RSU1: variants seen among roughly 807,000 people sequenced by gnomAD.
The protein encoded by RSU1 is Ras suppressor protein 1, also known as rsu-1.
A neutral mutation model predicts 31.1 loss-of-function variants in RSU1; 26 were observed. That is an observed-to-expected ratio of 0.84 (90% confidence interval 0.61 to 1.16). The LOEUF is 1.16. Ranked by LOEUF, RSU1 falls within the 50% of genes most tolerant of loss-of-function variation. The probability of loss-of-function intolerance (pLI) is 0.00; values close to 1 mark genes in which losing one functional copy is unlikely to be tolerated. For synonymous variants in RSU1, 164 were observed against 136.3 expected (o/e 1.20, Z -1.41); for missense variants, 320 against 339.1 (o/e 0.94, Z 0.44).
chr10:16,792,681 G>C (rs1317115824), intron 2 of RSU1, among the ~76,000 whole-genome samples: 2 of 152,244 alleles, frequency 1.3e-5, no homozygotes, highest in African/African-American at 4.8e-5. Flanking sequence ...ACTGTAGACA[G>C]AACCCTCGGC....
intron 8 of RSU1, among the ~76,000 whole-genome samples, chr10:16,661,850 T>G (rs889026304): frequency 6.6e-6 from 1 of 152,234 alleles, no homozygotes; most frequent in Non-Finnish European, 1.5e-5. Context: ...CACATTTCTT[T>G]GGTTTCAAAT....
At chr10:16,701,343 G>A (rs1835788998) in intron 7 of RSU1, among the ~76,000 whole-genome samples, 1 of 152,128 alleles carries the variant, frequency 6.6e-6, no homozygotes, top group Non-Finnish European at 1.5e-5. Context: ...AAAAACCTAA[G>A]TGGAATGAGA....
At chr10:16,742,132 C>T (rs933343089) in intron 7 of RSU1, among the ~76,000 whole-genome samples, 1 of 152,044 alleles carries the variant, frequency 6.6e-6, no homozygotes, top group Non-Finnish European at 1.5e-5. Flanking sequence ...AATCACTCTA[C>T]GTATGTTGAA....
At chr10:16,616,483 A>G (rs1404548604) in intron 8 of RSU1, among the ~76,000 whole-genome samples, 1 of 152,138 alleles carries the variant, frequency 6.6e-6, no homozygotes, top group African/African-American at 2.4e-5. Context: ...CAAATAATAG[A>G]AAAAGAGGGA....
intron 8 of RSU1, among the ~76,000 whole-genome samples, chr10:16,671,700 A>G (rs1835108415): frequency 6.6e-6 from 1 of 151,908 alleles, no homozygotes; most frequent in South Asian, 2.1e-4. Flanking sequence ...ATTTTGGCTC[A>G]CTGCTACCTC....
At chr10:16,625,203 G>A (rs1588680594) in intron 8 of RSU1, among the ~76,000 whole-genome samples, 2 of 152,232 alleles carry the variant, frequency 1.3e-5, no homozygotes, top group East Asian at 3.9e-4. Context: ...GCCTTCTCTT[G>A]TCCTGCTCCT....
At position 16,695,159 on chromosome 10, in the gene RSU1, G is replaced by GGGGC. The variant is rs1554767086; in HGVS notation, c.599-5_599-4insGCCC. Reference sequence around the variant, plus strand: ...TGGCCAGTTAAATCCAAGTTTCCTGGGGGGGGGGAAAAAAAAAGTGAAGGT... The same window carrying GGGGC: ...TGGCCAGTTAAATCCAAGTTTCCTGGGGGCGGGGGGGGAAAAAAAAAGTGAAGGT... On this transcript the variant is annotated splice_polypyrimidine_tract_variant and splice_region_variant and intron_variant, in intron 7 of 8. Coordinates refer to ENST00000345264, the MANE Select transcript of RSU1 (RefSeq NM_012425.4). 6.4e-5 allele frequency: 84 copies of GGGGC among 1,310,262 alleles called. 2 individuals are homozygous for GGGGC. Among genetic ancestry groups the GGGGC allele is most frequent in the East Asian group, 7.7e-5 (2 of 26,070 alleles). 81.2% of individuals were successfully genotyped at this position (1,310,262 alleles called of 1,614,324 possible). A position where few individuals can be genotyped will look rare whatever the true frequency, so the allele number is the denominator to read the frequency against.
chr10:16,697,208 T>C (rs1040051340), intron 7 of RSU1, among the ~76,000 whole-genome samples: 2 of 152,148 alleles, frequency 1.3e-5, no homozygotes, highest in Non-Finnish European at 2.9e-5. Context: ...CAGCTGGGAA[T>C]GGTAGTGCTG....
In RSU1 at chr10:16,817,014, C is replaced by T. The variant is rs775079376; in HGVS notation, c.68G>A (p.Ser23Asn). The change falls in exon 2 of 9, where the codon AGT becomes AAT. Residue 23 changes from serine to asparagine, a missense_variant. Transcript: ENST00000345264. ...REKNQPEVDM[S>N]DRGISNMLDV... ...CAGCATGTTGGAGATGCCCCGGTCA[C>T]TCATGTCCACCTCGGGCTGGTTCTT... 1.3e-5 allele frequency: 21 copies of T among 1,614,224 alleles called. No individual in the cohort carries two copies. In the Admixed American group the frequency reaches 2.5e-4, roughly 19 times the overall value.
At chr10:16,657,272 A>G (rs1209221271) in intron 8 of RSU1, among the ~76,000 whole-genome samples, 5 of 152,208 alleles carry the variant, frequency 3.3e-5, no homozygotes, top group Non-Finnish European at 5.9e-5. Context: ...GGTAACTCCT[A>G]GTACTTCCTT....
intron 8 of RSU1, among the ~76,000 whole-genome samples, chr10:16,609,994 A>G (rs572580286): frequency 6.6e-6 from 1 of 152,328 alleles, no homozygotes; most frequent in Non-Finnish European, 1.5e-5. Flanking sequence ...TAAAAGTAAA[A>G]AAGACTGGAT....
intron 7 of RSU1, among the ~76,000 whole-genome samples, chr10:16,733,175 A>C (rs1836549274): frequency 6.6e-6 from 1 of 151,994 alleles, no homozygotes; most frequent in African/African-American, 2.4e-5. Flanking sequence ...ACTGAAATGC[A>C]AAGTTATATA....
At chr10:16,649,666 C>T (rs983573405) in intron 8 of RSU1, among the ~76,000 whole-genome samples, 1 of 152,150 alleles carries the variant, frequency 6.6e-6, no homozygotes, top group East Asian at 1.9e-4. Context: ...GCACACGGCA[C>T]AACAGAACTA....
At chr10:16,758,197 C>T (rs1837136299) in intron 4 of RSU1, among the ~76,000 whole-genome samples, 1 of 152,192 alleles carries the variant, frequency 6.6e-6, no homozygotes, top group Non-Finnish European at 1.5e-5. Context: ...GCTAAAACTT[C>T]AGAAGAATTG....
At chr10:16,683,505 G>A (rs750130769) in intron 8 of RSU1, among the ~76,000 whole-genome samples, 1 of 152,072 alleles carries the variant, frequency 6.6e-6, no homozygotes, top group Non-Finnish European at 1.5e-5. Flanking sequence ...CCTTTGACAC[G>A]CACATACTTT....
intron 8 of RSU1, among the ~76,000 whole-genome samples, chr10:16,646,587 GT>G (rs1564298979): frequency 6.6e-6 from 1 of 152,116 alleles, no homozygotes; most frequent in South Asian, 2.1e-4. Context: ...TATTTAAAGT[GT>G]TTTTTTCCTT....
At chr10:16,751,623 T>C (rs1175032625) in intron 7 of RSU1, among the ~76,000 whole-genome samples, 1 of 152,186 alleles carries the variant, frequency 6.6e-6, no homozygotes, top group Non-Finnish European at 1.5e-5. Flanking sequence ...AGGGAACAAA[T>C]ACAAAAATGT....
chr10:16,705,534 G>A (rs1034978960), intron 7 of RSU1, among the ~76,000 whole-genome samples: 13 of 152,032 alleles, frequency 8.6e-5, no homozygotes. Flanking sequence ...CTGTCACACA[G>A]GCTGGAGTGC....
chr10:16,764,881 A>C (rs917056418), intron 3 of RSU1, among the ~76,000 whole-genome samples: 1 of 150,896 alleles, frequency 6.6e-6, no homozygotes, highest in African/African-American at 2.4e-5. Context: ...TCTAAGTGCA[A>C]CTTTTTTTTT....
Sources: allele counts gnomAD v4.1 joint callset (sites outside exome capture counted in the v4.1 genomes callset), GRCh38; gene constraint gnomAD v4.1.1; transcripts MANE v1.5; gene names NCBI Gene and HGNC (gene_info 2026-07-23, HGNC 2026-07-21).